RYK: variants seen among roughly 807,000 people sequenced by gnomAD.
RYK encodes inactive tyrosine-protein kinase RYK.
A neutral mutation model predicts 70.2 loss-of-function variants in RYK; 21 were observed. That is an observed-to-expected ratio of 0.30 (90% CI 0.21 to 0.43). RYK has a LOEUF of 0.43. Among genes scored for constraint, RYK ranks in the 20% least tolerant of loss-of-function variants. The probability of loss-of-function intolerance (pLI) is 1.00; values close to 1 mark genes in which losing one functional copy is unlikely to be tolerated. For missense variants in RYK, 604 were observed against 753.3 expected (o/e 0.80, Z 2.32); for synonymous variants, 267 against 278.0 (o/e 0.96, Z 0.39).
At chr3:134,211,179 C>T (rs1158219772) in intron 3 of RYK, among the ~76,000 whole-genome samples, 1 of 152,012 alleles carries the variant, frequency 6.6e-6, no homozygotes, top group Non-Finnish European at 1.5e-5. Context: ...CAAACATGAC[C>T]GTGCAAAGAT....
chr3:134,166,022 T>C (rs1019782647), intron 13 of RYK, among the ~76,000 whole-genome samples: 1 of 152,220 alleles, frequency 6.6e-6, no homozygotes, highest in Admixed American at 6.5e-5. Flanking sequence ...TTAGGGCTGT[T>C]GGGATGGAAT....
At chr3:134,249,036 T>C (rs1284319938) in intron 1 of RYK, among the ~76,000 whole-genome samples, 1 of 152,150 alleles carries the variant, frequency 6.6e-6, no homozygotes, top group South Asian at 2.1e-4. Flanking sequence ...TCACAAGCTA[T>C]ATAAGTGCTT....
chr3:134,162,123 G>A (rs2012495439), intron 13 of RYK, among the ~76,000 whole-genome samples: 1 of 151,986 alleles, frequency 6.6e-6, no homozygotes, highest in Non-Finnish European at 1.5e-5. Flanking sequence ...TTCTTAGGGT[G>A]GATTAGAGCT....
In RYK at chr3:134,158,091, G is replaced by A. The variant is rs1576497368; in HGVS notation, c.*62C>T. 2.0e-5 allele frequency: 17 copies of A among 866,280 alleles called. No homozygotes were observed. Among genetic ancestry groups the A allele is most frequent in the Non-Finnish European group, 2.8e-5 (17 of 612,824 alleles). 53.7% of individuals were successfully genotyped at this position (866,280 alleles called of 1,614,324 possible). On this transcript the variant is annotated 3_prime_UTR_variant, in exon 15 of 15. Coordinates refer to ENST00000623711, the MANE Select transcript of RYK (RefSeq NM_002958.4). ...GTTGTGTTAGATACAAAGCATCCCT[G>A]ACAGGCTTCAAGTGAGCCCCGACAG...
At chr3:134,183,192 A>G (rs2013355622) in intron 9 of RYK, 121 bp from the exon 10 acceptor site, 1 of 483,808 alleles carries the variant, frequency 2.1e-6, no homozygotes, top group Non-Finnish European at 3.5e-6. Context: ...ATTATAAGTT[A>G]CAGGTAAATC....
intron 13 of RYK, among the ~76,000 whole-genome samples, chr3:134,168,741 C>T (rs1320692516): frequency 6.6e-6 from 1 of 151,950 alleles, no homozygotes; most frequent in Non-Finnish European, 1.5e-5. Context: ...GCATGTTATG[C>T]ACATGTACCT....
At chr3:134,173,499 T>C (rs1296499360) in intron 13 of RYK, among the ~76,000 whole-genome samples, 1 of 152,018 alleles carries the variant, frequency 6.6e-6, no homozygotes, top group Non-Finnish European at 1.5e-5. Context: ...AAACTTACAA[T>C]CATGACGAAG....
intron 9 of RYK, among the ~76,000 whole-genome samples, chr3:134,184,673 G>C (rs891228458): frequency 3.9e-5 from 6 of 152,008 alleles, no homozygotes; most frequent in African/African-American, 7.2e-5. Flanking sequence ...GTTGAGGCTG[G>C]AGGATTGCTG....
intron 13 of RYK, among the ~76,000 whole-genome samples, chr3:134,174,843 C>CG (rs368872656): frequency 2.0e-5 from 3 of 151,544 alleles, no homozygotes; most frequent in East Asian, 1.9e-4. Context: ...AAGAGGATGA[C>CG]GGGGGGATTT....
At chr3:134,168,303 T>C (rs1441107973) in intron 13 of RYK, among the ~76,000 whole-genome samples, 38 of 152,176 alleles carry the variant, frequency 2.5e-4, no homozygotes, top group Admixed American at 2.5e-3. Context: ...ATCATGCTGC[T>C]ATAAAGACAC....
At position 134,202,858 on chromosome 3, in the gene RYK, T is replaced by C; in HGVS notation, c.660A>G (p.Ala220=). ...ACACACGCGTAGAAGTGGTTGGAGC[T>C]GCATGTACAGGATCATCTGAAATAA... The part of the protein sequence containing the change: ...TSRTIYDPVH[A]APTTSTRVFY... The change falls in exon 6 of 15, where the codon GCA becomes GCG. Residue 220 remains alanine, a synonymous_variant. Coordinates refer to ENST00000623711, the MANE Select transcript of RYK (RefSeq NM_002958.4). The C allele has an allele frequency of 1.2e-6, 2 of 1,613,434 alleles. No homozygotes were observed. Among genetic ancestry groups the C allele is most frequent in the Non-Finnish European group, 1.7e-6 (2 of 1,179,736 alleles).
chr3:134,163,353 A>T (rs570153588), intron 13 of RYK, among the ~76,000 whole-genome samples: 12 of 152,356 alleles, frequency 7.9e-5, no homozygotes, highest in Admixed American at 4.6e-4. Flanking sequence ...GACTTATTCT[A>T]TAATTTCCTT....
At chr3:134,201,930 A>G (rs1438694329) in intron 6 of RYK, among the ~76,000 whole-genome samples, 1 of 152,100 alleles carries the variant, frequency 6.6e-6, no homozygotes, top group East Asian at 1.9e-4. Flanking sequence ...TTCCATCTGT[A>G]CCTCTCACCC....
chr3:134,193,566 C>A (rs1298619799), intron 7 of RYK, among the ~76,000 whole-genome samples: 1 of 152,184 alleles, frequency 6.6e-6, no homozygotes, highest in East Asian at 1.9e-4. Flanking sequence ...AATTAAGAAT[C>A]CATTCTAATG....
At chr3:134,208,653 A>G (rs1433603320) in intron 4 of RYK, among the ~76,000 whole-genome samples, 2 of 152,212 alleles carry the variant, frequency 1.3e-5, no homozygotes, top group African/African-American at 4.8e-5. Context: ...AGGTGTTTTC[A>G]TAACACTCAG....
intron 8 of RYK, among the ~76,000 whole-genome samples, chr3:134,189,309 G>A (rs1030751107): frequency 3.9e-5 from 6 of 152,082 alleles, no homozygotes; most frequent in African/African-American, 7.2e-5. Flanking sequence ...CCTCTCTACC[G>A]CAGAGCCTTA....
chr3:134,250,348 G>C, intron 1 of RYK, 75 bp downstream of exon 1: 1 of 961,462 alleles, frequency 1.0e-6, no homozygotes, highest in Non-Finnish European at 1.4e-6. Context: ...ACGGCTCGCA[G>C]ACTGATCCGC....
rs761564187 is a variant in RYK at position 134,178,053 on chromosome 3, T to C, written c.1193A>G (p.His398Arg). Residue 398 changes from histidine to arginine, a missense_variant, in exon 11 of 15, where the codon CAT (histidine) becomes CGT (arginine). By Grantham distance (29) the His-to-Arg change is conservative (BLOSUM62 0). Around this residue, in one of 2 missense-constraint regions of RYK, gnomAD observed 466 missense variants for 535.9 expected, o/e 0.87. Transcript: ENST00000623711. ...LHHRNLLPIT[H>R]VCIEEGEKPM... is the part of the protein sequence containing the mutation. ...CTTTTCTCCTTCTTCTATACACACA[T>C]GAGTAATAGGAAGAAGATTTCTATA... The C allele has an allele frequency of 1.3e-6, 2 of 1,582,462 alleles. No homozygotes were observed. Among genetic ancestry groups the C allele is most frequent in the Middle Eastern group, 1.7e-4 (1 of 5,986 alleles).
At chr3:134,246,303 TAC>T (rs71139521) in intron 1 of RYK, among the ~76,000 whole-genome samples, 15,638 of 88,448 alleles carry the variant, frequency 0.18, 1,450 homozygotes, top group Non-Finnish European at 0.27. Context: ...CAGAAAGAAA[TAC>T]ACACACACAC....
Sources: gnomAD v4.1 joint callset for allele counts (sites outside exome capture counted in the v4.1 genomes callset) on GRCh38, gnomAD v4.1.1 for gene constraint, gnomAD v4.1.1 regional missense constraint, MANE v1.5 for transcripts, NCBI Gene and HGNC (gene_info 2026-07-23, HGNC 2026-07-21) for gene names.